The following PTPRM variants were observed in gnomAD, a reference collection of about 807,000 sequenced individuals.
PTPRM encodes receptor-type tyrosine-protein phosphatase mu.
Under a neutral mutation model 186.7 loss-of-function variants are expected in PTPRM, and 47 were observed. The ratio of observed to expected loss-of-function variants is 0.25; its 90% confidence interval spans 0.20 to 0.32. PTPRM has a LOEUF of 0.32. PTPRM is among the 10% of genes least tolerant of loss of function. PTPRM has a pLI of 1.00. For synonymous variants in PTPRM, 668 were observed against 674.9 expected (o/e 0.99, Z 0.16); for missense variants, 1,494 against 1,865.0 (o/e 0.80, Z 3.66).
At chr18:8,390,963 AATAAT>A in intron 31 of PTPRM, among the ~76,000 whole-genome samples, 3 of 144,572 alleles carry the variant, frequency 2.1e-5, no homozygotes, top group African/African-American at 8.0e-5. Context: ...TAATAATAAT[AATAAT>A]AAAGATGTCC....
intron 1 of PTPRM, among the ~76,000 whole-genome samples, chr18:7,757,002 C>A (rs549983508): frequency 6.6e-6 from 1 of 152,168 alleles, no homozygotes; most frequent in African/African-American, 2.4e-5. Context: ...ATATTCTTTG[C>A]GCTGCAGCAA....
At chr18:8,041,384 G>A (rs905507974) in intron 7 of PTPRM, among the ~76,000 whole-genome samples, 12 of 151,944 alleles carry the variant, frequency 7.9e-5, no homozygotes, top group African/African-American at 2.9e-4. Flanking sequence ...TTGACATTTG[G>A]TGGGGCTTTG....
At position 7,703,328 on chromosome 18, in the gene PTPRM, TG is replaced by T. The variant is rs1598401829; in HGVS notation, c.74-70820del. Among the ~76,000 whole-genome samples the T allele has an allele frequency of 2.6e-5, 4 of 152,340 alleles. No homozygotes were observed. In the East Asian group the frequency reaches 7.7e-4, roughly 29 times the overall value. On this transcript the variant is annotated intron_variant, in intron 1 of 32. Coordinates refer to ENST00000580170, the MANE Select transcript of PTPRM (RefSeq NM_001105244.2). ...GAGCATGGAATGTTTTTCCATTTTT[TG>T]TGTCCTCTCTCATTTCCTTGAGCAG...
chr18:7,989,827 T>G (rs2083167356), intron 7 of PTPRM, among the ~76,000 whole-genome samples: 1 of 152,230 alleles, frequency 6.6e-6, no homozygotes, highest in Admixed American at 6.6e-5. Flanking sequence ...GCCTCACCTT[T>G]GCTCGCTTCT....
At chr18:8,298,867 A>G (rs1305672673) in intron 20 of PTPRM, among the ~76,000 whole-genome samples, 1 of 152,140 alleles carries the variant, frequency 6.6e-6, no homozygotes, top group Non-Finnish European at 1.5e-5. Flanking sequence ...TAATCTTAGC[A>G]CTTTGAGAGG....
chr18:7,743,202 CT>C (rs2040917648), intron 1 of PTPRM, among the ~76,000 whole-genome samples: 1 of 152,172 alleles, frequency 6.6e-6, no homozygotes, highest in Admixed American at 6.5e-5. Context: ...TGTCACTTAG[CT>C]TTTCTTTGCC....
At chr18:7,925,033 G>T (rs1285115714) in intron 4 of PTPRM, among the ~76,000 whole-genome samples, 2 of 152,146 alleles carry the variant, frequency 1.3e-5, no homozygotes, top group East Asian at 1.9e-4. Context: ...GAACATTTGT[G>T]AGTACTCAAT....
chr18:7,875,848 T>C (rs1166705119), intron 2 of PTPRM, among the ~76,000 whole-genome samples: 1 of 152,190 alleles, frequency 6.6e-6, no homozygotes, highest in Non-Finnish European at 1.5e-5. Flanking sequence ...TTTTTCATTA[T>C]GCGAACATGA....
intron 19 of PTPRM, among the ~76,000 whole-genome samples, chr18:8,276,014 C>T (rs1243623269): frequency 1.3e-5 from 2 of 152,088 alleles, no homozygotes; most frequent in Admixed American, 1.3e-4. Context: ...CACATTTTCC[C>T]TCAATTCCAC....
chr18:8,375,972 C>T (rs1759528372), intron 24 of PTPRM, 74 bp from the exon 25 acceptor site: 1 of 1,486,066 alleles, frequency 6.7e-7, no homozygotes, highest in African/African-American at 1.4e-5. Flanking sequence ...TTTCCACTCC[C>T]CCAGCTATCC....
At chr18:7,601,544 C>T (rs1220873094) in intron 1 of PTPRM, among the ~76,000 whole-genome samples, 1 of 152,206 alleles carries the variant, frequency 6.6e-6, no homozygotes, top group East Asian at 1.9e-4. Context: ...AGCCTTGGCT[C>T]ATAGCTGCAT....
intron 7 of PTPRM, among the ~76,000 whole-genome samples, chr18:8,041,322 C>T (rs2086674850): frequency 6.6e-6 from 1 of 151,940 alleles, no homozygotes; most frequent in Non-Finnish European, 1.5e-5. Flanking sequence ...TTAAATAGTG[C>T]CGTGAAAGCC....
chr18:7,834,166 T>C (rs1485224131), intron 2 of PTPRM, among the ~76,000 whole-genome samples: 1 of 152,116 alleles, frequency 6.6e-6, no homozygotes, highest in Non-Finnish European at 1.5e-5. Context: ...ACCAAATACT[T>C]TTTAGCATCA....
chr18:7,691,111 T>C (rs1482899502), intron 1 of PTPRM, among the ~76,000 whole-genome samples: 1 of 152,154 alleles, frequency 6.6e-6, no homozygotes, highest in African/African-American at 2.4e-5. Context: ...AATGTTTTGA[T>C]TTTATTTTTT....
intron 14 of PTPRM, among the ~76,000 whole-genome samples, chr18:8,172,454 A>T (rs188624533): frequency 6.6e-6 from 1 of 152,044 alleles, no homozygotes; most frequent in Non-Finnish European, 1.5e-5. Flanking sequence ...GTGTTCCTCA[A>T]TAGTCCAAGG....
chr18:8,170,576 A>C (rs1378831581), intron 14 of PTPRM, among the ~76,000 whole-genome samples: 1 of 151,906 alleles, frequency 6.6e-6, no homozygotes, highest in Non-Finnish European at 1.5e-5. Context: ...CTTTTAAAAG[A>C]AATATACAAA....
chr18:8,074,995 G>A (rs571779848), intron 8 of PTPRM, among the ~76,000 whole-genome samples: 5 of 152,212 alleles, frequency 3.3e-5, no homozygotes, highest in South Asian at 2.1e-4. Flanking sequence ...TTATTTATAT[G>A]TATGTTTTCT....
intron 1 of PTPRM, among the ~76,000 whole-genome samples, chr18:7,603,650 A>G (rs1347570382): frequency 1.3e-5 from 2 of 152,190 alleles, no homozygotes; most frequent in African/African-American, 4.8e-5. Context: ...TGTTCCTCCA[A>G]CTTCCTTTCT....
intron 7 of PTPRM, among the ~76,000 whole-genome samples, chr18:7,959,001 C>A (rs924461524): frequency 4.6e-5 from 7 of 152,272 alleles, no homozygotes; most frequent in African/African-American, 1.7e-4. Flanking sequence ...TTGGCTCTGC[C>A]TGGCACTAGA....
Sources: gnomAD v4.1 joint callset for allele counts (sites outside exome capture counted in the v4.1 genomes callset) on GRCh38, gnomAD v4.1.1 for gene constraint, MANE v1.5 for transcripts, NCBI Gene and HGNC (gene_info 2026-07-23, HGNC 2026-07-21) for gene names.